DAAM1: variants seen among roughly 807,000 people sequenced by gnomAD.
DAAM1 encodes dishevelled associated activator of morphogenesis 1.
DAAM1 carries 52 observed loss-of-function variants against 130.0 expected under a neutral mutation model. The observed-to-expected ratio is 0.40, with a 90% CI of 0.32 to 0.50. The LOEUF (loss-of-function observed/expected upper bound fraction) is 0.50. Among genes scored for constraint, DAAM1 ranks in the 20% least tolerant of loss-of-function variants. The pLI is 0.61. For synonymous variants in DAAM1, 452 were observed against 444.5 expected, an observed-to-expected ratio of 1.02 and a Z score of -0.21; for missense variants, 1,134 against 1,303.8, an observed-to-expected ratio of 0.87 and a Z score of 2.01.
intron 1 of DAAM1, among the ~76,000 whole-genome samples, chr14:59,258,662 T>C (rs558479625): frequency 7.5e-4 from 115 of 152,324 alleles, no homozygotes; most frequent in Admixed American, 1.6e-3. Context: ...TTTCCTGTTT[T>C]GGTCTGTATC....
At chr14:59,278,547 G>A (rs1357994491) in intron 2 of DAAM1, among the ~76,000 whole-genome samples, 2 of 152,146 alleles carry the variant, frequency 1.3e-5, no homozygotes, top group African/African-American at 4.8e-5. Flanking sequence ...ATGGCAGAAA[G>A]TGAATTCAGA....
intron 2 of DAAM1, among the ~76,000 whole-genome samples, chr14:59,272,736 G>A (rs1165254464): frequency 6.6e-6 from 1 of 152,112 alleles, no homozygotes; most frequent in East Asian, 1.9e-4. Context: ...ACTTGATGCT[G>A]TAGGAAAATG....
intron 1 of DAAM1, among the ~76,000 whole-genome samples, chr14:59,226,842 G>T (rs765994207): frequency 2.0e-5 from 3 of 152,180 alleles, no homozygotes; most frequent in Non-Finnish European, 4.4e-5. Flanking sequence ...AATGGACTGG[G>T]ACACTAAGTA....
chr14:59,318,553 A>C (rs1884881549), intron 4 of DAAM1, among the ~76,000 whole-genome samples: 1 of 151,346 alleles, frequency 6.6e-6, no homozygotes, highest in Admixed American at 6.6e-5. Flanking sequence ...AAAAGTTGCA[A>C]ATTAAACCTT....
chr14:59,226,644 C>T (rs910479248), intron 1 of DAAM1, among the ~76,000 whole-genome samples: 2 of 152,128 alleles, frequency 1.3e-5, no homozygotes, highest in African/African-American at 2.4e-5. Flanking sequence ...CAACAGATTT[C>T]AGTAGGATTC....
chr14:59,239,156 C>G (rs1476475719), intron 1 of DAAM1, among the ~76,000 whole-genome samples: 1 of 152,164 alleles, frequency 6.6e-6, no homozygotes, highest in Non-Finnish European at 1.5e-5. Context: ...CACAAAAGTA[C>G]TTAGAAACCC....
At chr14:59,364,762 A>T (rs1409741276) in intron 23 of DAAM1, among the ~76,000 whole-genome samples, 1 of 152,230 alleles carries the variant, frequency 6.6e-6, no homozygotes, top group Non-Finnish European at 1.5e-5. Context: ...GGCTGTTCAC[A>T]TGCATTAGCT....
At chr14:59,359,207 T>C in intron 20 of DAAM1, 190 bp from the exon 21 acceptor site, 2 of 495,912 alleles carry the variant, frequency 4.0e-6, no homozygotes, top group Non-Finnish European at 7.3e-6. Flanking sequence ...CTCCCATTAT[T>C]CCTGTCTCTT....
At chr14:59,320,764 G>A (rs1884975453) in intron 5 of DAAM1, among the ~76,000 whole-genome samples, 180 bp downstream of exon 5, 1 of 151,760 alleles carries the variant, frequency 6.6e-6, no homozygotes, top group African/African-American at 2.4e-5. Flanking sequence ...GCAGCCACTA[G>A]GATGGCTAAA....
chr14:59,251,996 G>A (rs1010472375), intron 1 of DAAM1, among the ~76,000 whole-genome samples: 2 of 152,188 alleles, frequency 1.3e-5, no homozygotes, highest in African/African-American at 4.8e-5. Context: ...GTCCCTCTGA[G>A]CAGCAGGCAT....
At chr14:59,244,239 C>CT (rs1881258881) in intron 1 of DAAM1, among the ~76,000 whole-genome samples, 1 of 123,444 alleles carries the variant, frequency 8.1e-6, no homozygotes, top group African/African-American at 2.6e-5. Flanking sequence ...GTCCACTAAA[C>CT]CTATTTTTTT....
At chr14:59,347,487 A>G (rs528867409) in intron 16 of DAAM1, 52 bp from the exon 17 acceptor site, 2 of 1,538,840 alleles carry the variant, frequency 1.3e-6, no homozygotes, top group African/African-American at 2.8e-5. Flanking sequence ...GAATTATGTT[A>G]AATTTTAATA....
At chr14:59,286,284 A>G (rs2139554495) in intron 2 of DAAM1, among the ~76,000 whole-genome samples, 1 of 152,272 alleles carries the variant, frequency 6.6e-6, no homozygotes, top group Non-Finnish European at 1.5e-5. Context: ...TAGCTAAAGC[A>G]GGGTTAAGAA....
At chr14:59,201,159 T>TCCACGCCCTGCCTCACCCC (rs1888091839) in intron 1 of DAAM1, among the ~76,000 whole-genome samples, 1 of 41,528 alleles carries the variant, frequency 2.4e-5, no homozygotes, top group Admixed American at 3.4e-4. Flanking sequence ...AGACTCCGTC[T>TCCACGCCCTGCCTCACCCC]CAAAAAAAAA....
rs1314456767 is a variant in DAAM1, at chr14:59,355,262, A to G, written c.2454A>G (p.Gln818=). The G allele has an allele frequency of 1.2e-6, 2 of 1,614,066 alleles. No individual in the cohort carries two copies. Among genetic ancestry groups the G allele is most frequent in the African/African-American group, 2.7e-5 (2 of 74,928 alleles). ...LAFGNYMNKG[Q]RGNAYGFKIS... ...TTGGAAATTATATGAATAAAGGTCA[A>G]AGAGGGAATGCATATGGATTCAAGA... is the stretch of plus-strand genomic sequence containing the variant. Residue 818 remains glutamine (Q), a synonymous_variant, in exon 20 of 25, where the codon CAA becomes CAG. Transcript: ENST00000360909.
chr14:59,369,360 G>C lies in DAAM1; in HGVS notation c.*501G>C, dbSNP rs1887054240. ...AAAACATAGATTTAAAATGATTTTT[G>C]ATAGCTGACATTGTGATGTTGATGT... On this transcript the variant is annotated 3_prime_UTR_variant, in exon 25 of 25. Coordinates refer to ENST00000360909, the MANE Select transcript of DAAM1 (RefSeq NM_001270520.2). 2 of 153,078 alleles carry C rather than the reference G, an allele frequency of 1.3e-5. No homozygotes were observed. The highest frequency in any genetic ancestry group is 4.1e-4 in the South Asian group (2 of 4,832). The allele number at this position is 153,078 out of a possible 1,614,324, so 9.5% of individuals were successfully genotyped here.
chr14:59,207,628 G>A (rs1161297575), intron 1 of DAAM1, among the ~76,000 whole-genome samples: 2 of 152,218 alleles, frequency 1.3e-5, no homozygotes, highest in African/African-American at 2.4e-5. Context: ...GAGAGTAAGA[G>A]TGAAAATGAC....
At chr14:59,339,367 A>T (rs967712302) in intron 15 of DAAM1, among the ~76,000 whole-genome samples, 1 of 152,226 alleles carries the variant, frequency 6.6e-6, no homozygotes, top group African/African-American at 2.4e-5. Flanking sequence ...AATACTCCTG[A>T]TGCTCAGTTC....
chr14:59,368,957 T>G lies in DAAM1; in HGVS notation c.*98T>G. The G allele has an allele frequency of 8.9e-7, 1 of 1,126,360 alleles. No homozygotes were observed. Among genetic ancestry groups the G allele is most frequent in the Non-Finnish European group, 1.3e-6 (1 of 798,214 alleles). The allele number at this position is 1,126,360 out of a possible 1,614,324, so 69.8% of individuals were successfully genotyped here. A position where few individuals can be genotyped will look rare whatever the true frequency, so the allele number is the denominator to read the frequency against. On this transcript the variant is annotated 3_prime_UTR_variant, in exon 25 of 25. Coordinates refer to ENST00000360909, the MANE Select transcript of DAAM1 (RefSeq NM_001270520.2). Reference sequence around the variant, plus strand: ...GCCTTGCAATCCAAACAGTGGCAATTTTTTCCTTCATCTGTGAGTGAATGT... The same window carrying G: ...GCCTTGCAATCCAAACAGTGGCAATGTTTTCCTTCATCTGTGAGTGAATGT...
Sources: gnomAD v4.1 joint callset for allele counts (sites outside exome capture counted in the v4.1 genomes callset) on GRCh38, gnomAD v4.1.1 for gene constraint, MANE v1.5 for transcripts, NCBI Gene and HGNC (gene_info 2026-07-23, HGNC 2026-07-21) for gene names.